BGN: variants seen among roughly 807,000 people sequenced by gnomAD.
BGN encodes biglycan.
Under a neutral mutation model 20.0 loss-of-function variants are expected in BGN, and 6 were observed. That is an observed-to-expected ratio of 0.30 (90% confidence interval 0.16 to 0.59). The LOEUF (loss-of-function observed/expected upper bound fraction) is 0.59. Ranked by LOEUF, BGN falls within the 20% of genes least tolerant of loss-of-function variation. The pLI is 0.88. For synonymous variants in BGN, 146 were observed against 134.6 expected, an observed-to-expected ratio of 1.08 and a Z score of -0.59; for missense variants, 292 against 312.1, an observed-to-expected ratio of 0.94 and a Z score of 0.49.
At chrX:153,500,735 G>A (rs1343569353) in intron 1 of BGN, among the ~76,000 whole-genome samples, 2 of 111,708 alleles carry the variant, frequency 1.8e-5, no homozygotes, top group Non-Finnish European at 3.8e-5. Flanking sequence ...ATGCATGTGT[G>A]TGTGTGTGTA....
At chrX:153,506,987 G>A (rs1055685889) in intron 6 of BGN, 60 bp from the exon 7 acceptor site, 71 of 1,206,851 alleles carry the variant, frequency 5.9e-5, no homozygotes, top group Middle Eastern at 2.3e-4. Flanking sequence ...GTGGCCCCTC[G>A]CGCCCAGCCC....
chrX:153,506,960 G>C, intron 6 of BGN, 37 bp downstream of exon 6: 1 of 1,207,545 alleles, frequency 8.3e-7, no homozygotes, highest in East Asian at 3.0e-5. Flanking sequence ...GGTGATGCCA[G>C]AGTCCCTCAG....
At chrX:153,499,811 G>A (rs2089744018) in intron 1 of BGN, among the ~76,000 whole-genome samples, 1 of 113,087 alleles carries the variant, frequency 8.8e-6, no homozygotes, top group African/African-American at 3.2e-5. Context: ...GGCAGGCCGG[G>A]TGTCAGCGGG....
intron 1 of BGN, among the ~76,000 whole-genome samples, chrX:153,498,807 G>A (rs376448772): frequency 1.4e-3 from 154 of 112,454 alleles, no homozygotes; most frequent in African/African-American, 4.4e-3. Context: ...AGGCTGGGCG[G>A]GGGCTGCCCT....
At chrX:153,505,572 G>A (rs782775817) in intron 3 of BGN, among the ~76,000 whole-genome samples, 6 of 112,080 alleles carry the variant, frequency 5.4e-5, no homozygotes, top group South Asian at 3.7e-4. Context: ...GGCTCCCTTC[G>A]TGGCTGAAAA....
intron 1 of BGN, among the ~76,000 whole-genome samples, chrX:153,499,716 T>A (rs1602974944): frequency 1.8e-5 from 2 of 112,628 alleles, no homozygotes; most frequent in South Asian, 7.3e-4. Context: ...AGGGTACACA[T>A]CCCCTCTCTG....
intron 3 of BGN, 41 bp from the exon 4 acceptor site, chrX:153,505,822 G>A (rs781944485): frequency 2.1e-6 from 2 of 970,392 alleles, no homozygotes; most frequent in South Asian, 4.0e-5. Context: ...GGGTGGGGTG[G>A]GGAGTCTGTG....
Position 153,508,371 on chromosome X carries a change from T to C in BGN, c.1033T>C (p.Trp345Arg). The change falls in exon 8 of 8, where the codon TGG becomes CGG. Residue 345 changes from tryptophan to arginine, a missense_variant. Trp to Arg is a moderately radical substitution (Grantham distance 101, BLOSUM62 -3). Transcript: ENST00000331595. Reference protein sequence around the residue: ...ISLFNNPVPYWEVQPATFRCV... With the variant: ...ISLFNNPVPYREVQPATFRCV... ...CCTCTTCAACAACCCCGTGCCCTAC[T>C]GGGAGGTGCAGCCGGCCACTTTCCG... 1 of 1,212,390 alleles carries C rather than the reference T, an allele frequency of 8.2e-7. No individual in the cohort carries two copies. Among genetic ancestry groups the C allele is most frequent in the Non-Finnish European group, 1.1e-6 (1 of 895,672 alleles).
At position 153,506,936 on chromosome X, in the gene BGN, G is replaced by A. The variant is rs1556993335; in HGVS notation, c.770+13G>A. The A allele has an allele frequency of 3.3e-6, 4 of 1,209,740 alleles. No individual in the cohort carries two copies. Among genetic ancestry groups the A allele is most frequent in the South Asian group, 1.8e-5 (1 of 56,960 alleles). ...CCAAGCTGTACAGGTGAGGCCAGCAGGGCACCGCCCAAGGGTGATGCCAGA... is the reference window on the plus strand; with the variant it reads ...CCAAGCTGTACAGGTGAGGCCAGCAAGGCACCGCCCAAGGGTGATGCCAGA... On this transcript the variant is annotated intron_variant, in intron 6 of 7. Coordinates refer to ENST00000331595, the MANE Select transcript of BGN (RefSeq NM_001711.6).
chrX:153,497,211 C>T (rs1182140706), intron 1 of BGN, among the ~76,000 whole-genome samples: 1 of 105,972 alleles, frequency 9.4e-6, no homozygotes, highest in Admixed American at 9.8e-5. Flanking sequence ...CACGTTGCCC[C>T]CCTAGCATCC....
chrX:153,500,065 C>T (rs782407679), intron 1 of BGN, among the ~76,000 whole-genome samples: 8 of 113,408 alleles, frequency 7.1e-5, no homozygotes, highest in South Asian at 3.6e-4. Flanking sequence ...TCCCAGGGCC[C>T]GCCAGACCTC....
intron 7 of BGN, 111 bp from the exon 8 acceptor site, chrX:153,508,137 G>A (rs2089816595): frequency 1.3e-5 from 11 of 835,229 alleles, no homozygotes; most frequent in Non-Finnish European, 1.9e-5. Flanking sequence ...GGGAGCCTCT[G>A]GTGTGGCCCT....
chrX:153,501,090 GGTGTGTGCATGT>G (rs1157850183), intron 1 of BGN, among the ~76,000 whole-genome samples: 2 of 108,589 alleles, frequency 1.8e-5, no homozygotes, highest in Non-Finnish European at 3.9e-5. Flanking sequence ...GTTTTGTATA[GGTGTGTGCATGT>G]GTGTGTGCAC....
Position 153,506,015 on chromosome X carries a change from C to A in BGN, c.504C>A (p.Asp168Glu), listed in dbSNP as rs1556993047. The A allele has an allele frequency of 2.5e-6, 3 of 1,212,033 alleles. No individual in the cohort carries two copies. Among genetic ancestry groups the A allele is most frequent in the East Asian group, 5.9e-5 (2 of 33,853 alleles). Residue 168 changes from aspartate (D) to glutamate (E), a missense_variant, in exon 4 of 8, where the codon GAC becomes GAA. Physicochemically the swap from Asp to Glu is conservative, Grantham distance 45. Transcript: ENST00000331595. ...CCCTGGTGGAGCTCCGCATCCACGA[C>A]AACCGCATCCGCAAGGTGCCCAAGG... is the stretch of plus-strand genomic sequence containing the variant. ...PSSLVELRIH[D>E]NRIRKVPKGV...
chrX:153,497,771 C>G (rs1044765589), intron 1 of BGN, among the ~76,000 whole-genome samples: 1 of 111,397 alleles, frequency 9.0e-6, no homozygotes, highest in African/African-American at 3.3e-5. Flanking sequence ...TCCCCAGGTC[C>G]CCTTCCAGGC....
At chrX:153,506,994 G>GC in intron 6 of BGN, 53 bp from the exon 7 acceptor site, 1 of 1,209,603 alleles carries the variant, frequency 8.3e-7, no homozygotes, top group East Asian at 3.0e-5. Context: ...CTCGCGCCCA[G>GC]CCCCCCATCC....
In BGN at chrX:153,505,278, G is replaced by A. The variant is rs782564131; in HGVS notation, c.279G>A (p.Thr93=). The A allele has an allele frequency of 9.1e-6, 11 of 1,210,125 alleles. No homozygotes were observed. The highest frequency in any genetic ancestry group is 1.2e-5 in the Non-Finnish European group (11 of 894,240). Residue 93 remains threonine, a synonymous_variant, in exon 3 of 8, where the codon ACG becomes ACA. Coordinates refer to ENST00000331595, the MANE Select transcript of BGN (RefSeq NM_001711.6). ...CCAAAGAGATCTCCCCTGACACCAC[G>A]CTGCTGGACCTGCAGAACAACGACA... is the stretch of plus-strand genomic sequence containing the variant. ...SVPKEISPDT[T]LLDLQNNDIS... is the part of the protein sequence containing the mutation.
At position 153,508,812 on chromosome X, in the gene BGN, C is replaced by A. The variant is rs1201560339; in HGVS notation, c.*367C>A. On this transcript the variant is annotated 3_prime_UTR_variant, in exon 8 of 8. Coordinates refer to ENST00000331595, the MANE Select transcript of BGN (RefSeq NM_001711.6). ...CTGGGTCAGCAGCCAGGAGGCGGTC[C>A]ATAAGAATGGGGACAGTGGGCTCTG... 9.6e-5 allele frequency: 25 copies of A among 260,942 alleles called. No individual in the cohort carries two copies. In the Admixed American group the frequency reaches 1.3e-3, roughly 13 times the overall value. The allele number at this position is 260,942 out of a possible 1,213,427, so 21.5% of individuals were successfully genotyped here. A position where few individuals can be genotyped will look rare whatever the true frequency, so the allele number is the denominator to read the frequency against.
intron 1 of BGN, among the ~76,000 whole-genome samples, chrX:153,495,822 G>T (rs1259663084): frequency 8.8e-6 from 1 of 113,152 alleles, no homozygotes; most frequent in Admixed American, 9.2e-5. Flanking sequence ...GGCCCTGACT[G>T]GGGGTGCCTG....
Sources: gnomAD v4.1 joint callset for allele counts (sites outside exome capture counted in the v4.1 genomes callset) on GRCh38, gnomAD v4.1.1 for gene constraint, MANE v1.5 for transcripts, NCBI Gene and HGNC (gene_info 2026-07-23, HGNC 2026-07-21) for gene names.